Variants in SORCS1 observed in about 807,000 individuals in gnomAD.
SORCS1 encodes the protein VPS10 domain-containing receptor SorCS1.
A neutral mutation model predicts 146.1 loss-of-function variants in SORCS1; 60 were observed. The observed-to-expected ratio is 0.41, with a 90% confidence interval of 0.33 to 0.51. The LOEUF is 0.51. SORCS1 is among the 20% of genes least tolerant of loss of function. The pLI, the probability that SORCS1 is intolerant of heterozygous loss-of-function variation, is 0.21. For synonymous variants in SORCS1, 637 were observed against 584.0 expected, an observed-to-expected ratio of 1.09 and a Z score of -1.31; for missense variants, 1,352 against 1,487.6, an observed-to-expected ratio of 0.91 and a Z score of 1.50.
intron 2 of SORCS1, among the ~76,000 whole-genome samples, chr10:106,905,279 A>C (rs1376229889): frequency 6.6e-6 from 1 of 152,202 alleles, no homozygotes; most frequent in African/African-American, 2.4e-5. Context: ...ATTTATTTAG[A>C]AAATTAAGTT....
At chr10:106,835,973 C>T (rs1948762513) in intron 2 of SORCS1, among the ~76,000 whole-genome samples, 2 of 150,532 alleles carry the variant, frequency 1.3e-5, no homozygotes, top group South Asian at 4.2e-4. Flanking sequence ...CCATTGCACT[C>T]TAGCCTGGGC....
At chr10:106,671,201 A>G in intron 16 of SORCS1, 36 bp downstream of exon 16, 2 of 1,613,214 alleles carry the variant, frequency 1.2e-6, no homozygotes, top group Non-Finnish European at 1.7e-6. Context: ...GATTTGATAC[A>G]CCAAATGGCT....
At chr10:106,928,266 G>A (rs1457264385) in intron 2 of SORCS1, among the ~76,000 whole-genome samples, 1 of 152,216 alleles carries the variant, frequency 6.6e-6, no homozygotes, top group African/African-American at 2.4e-5. Flanking sequence ...GGCAGCTAAG[G>A]CCAGGCGAGA....
chr10:107,042,021 A>T (rs891608636), intron 1 of SORCS1, among the ~76,000 whole-genome samples: 7 of 152,236 alleles, frequency 4.6e-5, no homozygotes, highest in African/African-American at 1.7e-4. Context: ...CTTAAAATGC[A>T]CTATTTCAAG....
chr10:106,948,029 A>AT, intron 2 of SORCS1, among the ~76,000 whole-genome samples: 1 of 152,202 alleles, frequency 6.6e-6, no homozygotes, highest in African/African-American at 2.4e-5. Context: ...AGCCTGGCCC[A>AT]TTTTTTTCAA....
At chr10:106,887,289 C>T (rs969503519) in intron 2 of SORCS1, among the ~76,000 whole-genome samples, 1 of 152,024 alleles carries the variant, frequency 6.6e-6, no homozygotes, top group African/African-American at 2.4e-5. Flanking sequence ...TATTTTGAAA[C>T]AATATCACTA....
At chr10:106,739,022 G>C (rs369744348) in intron 5 of SORCS1, among the ~76,000 whole-genome samples, 23 of 152,260 alleles carry the variant, frequency 1.5e-4, no homozygotes, top group African/African-American at 5.1e-4. Context: ...TAGTGGACTA[G>C]GTATTTGAAC....
chr10:106,585,035 G>T (rs186621999), intron 24 of SORCS1, among the ~76,000 whole-genome samples: 1 of 151,362 alleles, frequency 6.6e-6, no homozygotes, highest in East Asian at 1.9e-4. Context: ...TTGTTAGCTA[G>T]GCTTCACTTG....
intron 3 of SORCS1, among the ~76,000 whole-genome samples, chr10:106,779,244 T>C (rs1198868053): frequency 1.3e-5 from 2 of 152,194 alleles, no homozygotes; most frequent in Non-Finnish European, 2.9e-5. Flanking sequence ...GTGAGCTTTA[T>C]AGGTATGTCT....
At chr10:106,820,937 G>C (rs562104658) in intron 3 of SORCS1, among the ~76,000 whole-genome samples, 1 of 152,302 alleles carries the variant, frequency 6.6e-6, no homozygotes, top group East Asian at 1.9e-4. Flanking sequence ...AAGGGTAATG[G>C]ATGGGCACTT....
At chr10:106,655,939 A>G (rs1850250144) in intron 17 of SORCS1, among the ~76,000 whole-genome samples, 3 of 152,188 alleles carry the variant, frequency 2.0e-5, no homozygotes, top group Admixed American at 2.0e-4. Flanking sequence ...ATAACAAGGC[A>G]ACTTATGATT....
At chr10:107,180,054 C>T in the SORCS1 span, among the ~76,000 whole-genome samples, 1 of 151,536 alleles carries the variant, frequency 6.6e-6, no homozygotes, top group Admixed American at 6.6e-5. Flanking sequence ...GTAGCTGGGA[C>T]TACAGATGTC....
intron 2 of SORCS1, among the ~76,000 whole-genome samples, chr10:106,833,801 ATTATTATT>A (rs1202187237): frequency 9.2e-5 from 14 of 151,962 alleles, no homozygotes; most frequent in African/African-American, 2.9e-4. Context: ...TATTATTATT[ATTATTATT>A]TTGAGACGGA....
intron 2 of SORCS1, among the ~76,000 whole-genome samples, chr10:106,847,804 C>T (rs796336007): frequency 7.6e-6 from 1 of 131,092 alleles, no homozygotes; most frequent in Admixed American, 7.7e-5. Context: ...TCGTTGGTTT[C>T]AAAGAACATC....
chr10:106,622,877 C>A (rs1418306615), intron 19 of SORCS1, among the ~76,000 whole-genome samples: 1 of 152,276 alleles, frequency 6.6e-6, no homozygotes, highest in African/African-American at 2.4e-5. Flanking sequence ...TTGAAAGAAC[C>A]TTTCCAGTCA....
intron 2 of SORCS1, among the ~76,000 whole-genome samples, chr10:106,883,773 T>C (rs1172741245): frequency 6.6e-6 from 1 of 152,212 alleles, no homozygotes; most frequent in African/African-American, 2.4e-5. Context: ...CTCATTTCTT[T>C]GACTTAAGCT....
intron 8 of SORCS1, among the ~76,000 whole-genome samples, chr10:106,700,246 C>A (rs1174932266): frequency 6.6e-6 from 1 of 152,114 alleles, no homozygotes. Flanking sequence ...ATTTCAAATT[C>A]TTTTTCCCCC....
chr10:107,104,559 A>C (rs975506333), intron 1 of SORCS1, among the ~76,000 whole-genome samples: 2 of 152,148 alleles, frequency 1.3e-5, no homozygotes, highest in Non-Finnish European at 2.9e-5. Flanking sequence ...AAGGAACATA[A>C]GTGTGATGTT....
At chr10:107,163,928 C>T (rs1315271696) in intron 1 of SORCS1, 41 bp downstream of exon 1, 1 of 1,576,308 alleles carries the variant, frequency 6.3e-7, no homozygotes, top group Non-Finnish European at 8.6e-7. Flanking sequence ...TTAACCCTTT[C>T]CATCTTTCCA....
Sources: gnomAD v4.1 joint callset for allele counts (sites outside exome capture counted in the v4.1 genomes callset) on GRCh38, gnomAD v4.1.1 for gene constraint, MANE v1.5 for transcripts, NCBI Gene and HGNC (gene_info 2026-07-23, HGNC 2026-07-21) for gene names.